COL21A1: variants seen among roughly 807,000 people sequenced by gnomAD.
COL21A1 encodes collagen alpha-1(XXI) chain.
A neutral mutation model predicts 137.9 loss-of-function variants in COL21A1; 149 were observed. The observed-to-expected ratio is 1.08, with a 90% CI of 0.95 to 1.24. The LOEUF is 1.24. COL21A1 is among the 50% of genes most tolerant of loss of function. The probability of loss-of-function intolerance (pLI) is 0.00; values close to 1 mark genes in which losing one functional copy is unlikely to be tolerated. For synonymous variants in COL21A1, 456 were observed against 391.5 expected (o/e 1.16, Z -1.95); for missense variants, 1,167 against 1,158.4 (o/e 1.01, Z -0.11).
intron 1 of COL21A1, among the ~76,000 whole-genome samples, chr6:56,260,701 C>CAGGGAGGG (rs1491280444): frequency 7.9e-6 from 1 of 126,298 alleles, no homozygotes; most frequent in Non-Finnish European, 1.6e-5. Flanking sequence ...GGCAGGCAGG[C>CAGGGAGGG]AGGCAGGCAG....
chr6:56,230,267 T>C (rs564588344), intron 1 of COL21A1, among the ~76,000 whole-genome samples: 4 of 151,942 alleles, frequency 2.6e-5, no homozygotes, highest in Non-Finnish European at 5.9e-5. Context: ...GGGAATCTTG[T>C]ATCAATCTCA....
chr6:56,316,944 G>T (rs1764753288), intron 1 of COL21A1, among the ~76,000 whole-genome samples: 1 of 152,118 alleles, frequency 6.6e-6, no homozygotes, highest in African/African-American at 2.4e-5. Flanking sequence ...TGCTTCAGAA[G>T]TGTCATTTAG....
At chr6:56,143,562 A>T (rs1774597798) in intron 10 of COL21A1, among the ~76,000 whole-genome samples, 1 of 152,140 alleles carries the variant, frequency 6.6e-6, no homozygotes, top group African/African-American at 2.4e-5. Context: ...AGTTCTTCAC[A>T]GAATATATTG....
At chr6:56,099,721 A>C (rs1770275415) in intron 17 of COL21A1, among the ~76,000 whole-genome samples, 1 of 152,064 alleles carries the variant, frequency 6.6e-6, no homozygotes, top group South Asian at 2.1e-4. Flanking sequence ...TGAAACAATA[A>C]CATAAACAAA....
At chr6:56,382,746 C>A (rs1413854331) in intron 1 of COL21A1, among the ~76,000 whole-genome samples, 1 of 152,112 alleles carries the variant, frequency 6.6e-6, no homozygotes, top group East Asian at 1.9e-4. Context: ...AGAAACAAAC[C>A]ATGATGGCAC....
intron 3 of COL21A1, among the ~76,000 whole-genome samples, chr6:56,179,173 G>GA (rs569623855): frequency 6.6e-6 from 1 of 151,542 alleles, no homozygotes; most frequent in Non-Finnish European, 1.5e-5. Flanking sequence ...ACACACTGGG[G>GA]AAAAAAGGAA....
chr6:56,064,294 A>C (rs1766050622), intron 24 of COL21A1, among the ~76,000 whole-genome samples: 1 of 152,060 alleles, frequency 6.6e-6, no homozygotes, highest in South Asian at 2.1e-4. Context: ...ACTACCCCCA[A>C]GAAATGGGTG....
intron 18 of COL21A1, among the ~76,000 whole-genome samples, chr6:56,077,217 G>T (rs1019083112): frequency 1.3e-5 from 2 of 151,128 alleles, no homozygotes; most frequent in African/African-American, 4.8e-5. Context: ...GTACTAAAAA[G>T]ACATTCAAAA....
At chr6:56,189,826 A>G (rs1369369529) in intron 1 of COL21A1, among the ~76,000 whole-genome samples, 1 of 152,184 alleles carries the variant, frequency 6.6e-6, no homozygotes, top group Admixed American at 6.5e-5. Context: ...AACATTCTTA[A>G]AGAAAAGAAT....
At chr6:56,127,141 T>C (rs2152215457) in intron 12 of COL21A1, among the ~76,000 whole-genome samples, 1 of 152,274 alleles carries the variant, frequency 6.6e-6, no homozygotes, top group African/African-American at 2.4e-5. Flanking sequence ...TAATCTCTCA[T>C]AGCATCCAAC....
At chr6:56,298,317 A>T (rs1764205363) in intron 1 of COL21A1, among the ~76,000 whole-genome samples, 1 of 152,118 alleles carries the variant, frequency 6.6e-6, no homozygotes, top group Admixed American at 6.6e-5. Context: ...AATTTGAGTT[A>T]AATGGAATGC....
chr6:56,134,638 T>C (rs558317592), intron 12 of COL21A1, among the ~76,000 whole-genome samples: 179 of 152,358 alleles, frequency 1.2e-3, no homozygotes, highest in Non-Finnish European at 2.2e-3. Context: ...AATTGAATTG[T>C]AACTTCCATA....
chr6:56,299,441 G>T (rs1332711454), intron 1 of COL21A1, among the ~76,000 whole-genome samples: 2 of 152,030 alleles, frequency 1.3e-5, no homozygotes, highest in East Asian at 3.9e-4. Flanking sequence ...GTTAAAAGTG[G>T]CAGAAAGACA....
At chr6:56,371,774 ATATGT>A (rs2093989268) in intron 1 of COL21A1, among the ~76,000 whole-genome samples, 1 of 152,136 alleles carries the variant, frequency 6.6e-6, no homozygotes, top group African/African-American at 2.4e-5. Context: ...CTTTCCATTC[ATATGT>A]TATTTGAATT....
intron 1 of COL21A1, among the ~76,000 whole-genome samples, chr6:56,187,343 C>T (rs148520418): frequency 1.6e-4 from 24 of 152,272 alleles, no homozygotes; most frequent in Non-Finnish European, 3.2e-4. Flanking sequence ...ATGACCCAAT[C>T]ACCTCTTAAA....
intron 1 of COL21A1, among the ~76,000 whole-genome samples, chr6:56,334,074 C>T (rs1364514538): frequency 3.3e-5 from 3 of 90,598 alleles, no homozygotes; most frequent in African/African-American, 7.9e-5. Flanking sequence ...TAGCTAAGAG[C>T]TATAGAAAGA....
At chr6:56,283,232 A>C (rs1763822202) in intron 1 of COL21A1, among the ~76,000 whole-genome samples, 1 of 140,270 alleles carries the variant, frequency 7.1e-6, no homozygotes, top group Non-Finnish European at 1.6e-5. Flanking sequence ...CATTATTTGT[A>C]AAAGCAAAAA....
At position 56,156,917 on chromosome 6, in the gene COL21A1, G is replaced by A; in HGVS notation, c.1404C>T (p.Tyr468=). 1.2e-6 allele frequency: 2 copies of A among 1,612,352 alleles called. No homozygotes were observed. Among genetic ancestry groups the A allele is most frequent in the Non-Finnish European group, 8.5e-7 (1 of 1,179,328 alleles). Residue 468 remains tyrosine (Y), a synonymous_variant, in exon 10 of 30, where the codon TAC becomes TAT. Coordinates refer to ENST00000244728, the MANE Select transcript of COL21A1 (RefSeq NM_030820.4). ...GDPGLPGNPG[Y]PGQPGQDGKP... ...TACCATCTTGACCAGGTTGTCCAGG[G>A]TAGCCAGGGTTCCCAGGCAGTCCAG...
chr6:56,074,171 G>T, intron 20 of COL21A1, 61 bp downstream of exon 20: 1 of 1,205,368 alleles, frequency 8.3e-7, no homozygotes, highest in Non-Finnish European at 1.2e-6. Flanking sequence ...TTTCATCAAA[G>T]TTATAAATGG....
Sources: gnomAD v4.1 joint callset for allele counts (sites outside exome capture counted in the v4.1 genomes callset) on GRCh38, gnomAD v4.1.1 for gene constraint, MANE v1.5 for transcripts, NCBI Gene and HGNC (gene_info 2026-07-23, HGNC 2026-07-21) for gene names.